The following MRPS33 variants were observed in gnomAD, a reference collection of about 807,000 sequenced individuals.
MRPS33 encodes small ribosomal subunit protein mS33.
In MRPS33, 11 loss-of-function variants were observed where a neutral mutation model predicts 11.2. That is an observed-to-expected ratio of 0.99 (90% CI 0.62 to 1.63). MRPS33 has a LOEUF of 1.63. Ranked by LOEUF, MRPS33 falls within the 40% of genes most tolerant of loss-of-function variation. The probability of loss-of-function intolerance (pLI) is 0.00; values close to 1 mark genes in which losing one functional copy is unlikely to be tolerated. For synonymous variants in MRPS33, 46 were observed against 44.0 expected, an observed-to-expected ratio of 1.05 and a Z score of -0.18; for missense variants, 109 against 127.8, an observed-to-expected ratio of 0.85 and a Z score of 0.71.
At position 141,010,837 on chromosome 7, in the gene MRPS33, T is replaced by G. The variant is rs150055386; in HGVS notation, c.-27-177A>C. On this transcript the variant is annotated intron_variant, in intron 1 of 2. Coordinates refer to ENST00000324787, the MANE Select transcript of MRPS33 (RefSeq NM_053035.3). The stretch of plus-strand genomic sequence containing the variant: ...CCAAATGGCTATTTCCTTTCCATGC[T>G]TTACAGCTGCGATTTTTGCACTTCG... Among the ~76,000 whole-genome samples the G allele has an allele frequency of 3.4e-3, 515 of 152,338 alleles. 1 individual carries two copies. Among genetic ancestry groups the G allele is most frequent in the Non-Finnish European group, 5.6e-3 (384 of 68,020 alleles).
rs757945288 is a variant in MRPS33 at position 141,006,565 on chromosome 7, A to G, written c.216-30T>C. The G allele has an allele frequency of 7.6e-6, 12 of 1,575,456 alleles. No individual in the cohort carries two copies. In the South Asian group the frequency reaches 1.3e-4, roughly 17 times the overall value. On this transcript the variant is annotated intron_variant, in intron 2 of 2. Coordinates refer to ENST00000324787, the MANE Select transcript of MRPS33 (RefSeq NM_053035.3). ...ATGAAGAAGGAAAAAATAATTAACCAGTTATTTTTACGAGTAGAAAAGTAC... is the reference window on the plus strand; with the variant it reads ...ATGAAGAAGGAAAAAATAATTAACCGGTTATTTTTACGAGTAGAAAAGTAC...
intron 1 of MRPS33, 29 bp from the exon 2 acceptor site, chr7:141,010,689 G>C: frequency 6.6e-7 from 1 of 1,518,128 alleles, no homozygotes; most frequent in Admixed American, 1.7e-5. Context: ...AAGTTAAACA[G>C]GTTAGGGTAA....
Position 141,003,449 on chromosome 7 carries a change from T to C in MRPS33, c.*2981A>G, listed in dbSNP as rs1309793965. 1 of 152,218 alleles carries C rather than the reference T, an allele frequency of 6.6e-6. No individual in the cohort carries two copies. The highest frequency in any genetic ancestry group is 1.5e-5 in the Non-Finnish European group (1 of 68,052). 9.4% of individuals were successfully genotyped at this position (152,218 alleles called of 1,614,324 possible). ...ATTGAAGGTATAGCTTATGTACAAA[T>C]GTATTTTAGCTTTCATTTCTGATTT... On this transcript the variant is annotated 3_prime_UTR_variant, in exon 3 of 3. Transcript: ENST00000324787.
At chr7:141,011,539 T>C (rs929862008) in intron 1 of MRPS33, among the ~76,000 whole-genome samples, 1 of 152,114 alleles carries the variant, frequency 6.6e-6, no homozygotes, top group Non-Finnish European at 1.5e-5. Context: ...AAGCTGCTGG[T>C]GGAATAACTA....
chr7:141,014,900 G>C lies in MRPS33; in HGVS notation c.-28+11C>G, dbSNP rs911684930. The C allele has an allele frequency of 6.6e-6, 1 of 152,616 alleles. No individual in the cohort carries two copies. Among genetic ancestry groups the C allele is most frequent in the Non-Finnish European group, 1.5e-5 (1 of 68,432 alleles). 9.5% of individuals were successfully genotyped at this position (152,616 alleles called of 1,614,324 possible). A position where few individuals can be genotyped will look rare whatever the true frequency, so the allele number is the denominator to read the frequency against. ...CTTGCTGCAGACCCCCAAAGTCACC[G>C]ACAGCCTTACCTAGACCTGACCTTC... On this transcript the variant is annotated intron_variant, in intron 1 of 2. Coordinates refer to ENST00000324787, the MANE Select transcript of MRPS33 (RefSeq NM_053035.3).
chr7:141,006,762 T>C (rs981331514), intron 2 of MRPS33, among the ~76,000 whole-genome samples: 2 of 152,174 alleles, frequency 1.3e-5, no homozygotes, highest in Non-Finnish European at 2.9e-5. Flanking sequence ...ACAGAAACAC[T>C]GCCACAAGCT....
chr7:141,011,262 G>T (rs1460178912), intron 1 of MRPS33, among the ~76,000 whole-genome samples: 2 of 152,140 alleles, frequency 1.3e-5, no homozygotes, highest in African/African-American at 4.8e-5. Flanking sequence ...ACAGACAGTA[G>T]CCCTATAAAA....
Position 141,002,934 on chromosome 7 carries a change from A to C in MRPS33, c.*3496T>G, listed in dbSNP as rs1308834370. On this transcript the variant is annotated 3_prime_UTR_variant, in exon 3 of 3. Coordinates refer to ENST00000324787, the MANE Select transcript of MRPS33 (RefSeq NM_053035.3). Reference sequence around the variant, plus strand: ...AGTCACATAATGTGCTATATGTAAAAGTTTTTAACTTTTTATAATTTACAG... The same window carrying C: ...AGTCACATAATGTGCTATATGTAAACGTTTTTAACTTTTTATAATTTACAG... 1 of 152,238 alleles carries C rather than the reference A, an allele frequency of 6.6e-6. No homozygotes were observed. Among genetic ancestry groups the C allele is most frequent in the Non-Finnish European group, 1.5e-5 (1 of 68,086 alleles). The allele number at this position is 152,238 out of a possible 1,614,324, so 9.4% of individuals were successfully genotyped here.
chr7:141,006,563 C>T (rs968191628), intron 2 of MRPS33, 28 bp from the exon 3 acceptor site: 3 of 1,566,902 alleles, frequency 1.9e-6, no homozygotes, highest in Non-Finnish European at 2.6e-6. Context: ...AAATAATTAA[C>T]CAGTTATTTT....
chr7:141,006,341 T>C lies in MRPS33; in HGVS notation c.*89A>G, dbSNP rs1375739845. 4 of 1,096,176 alleles carry C rather than the reference T, an allele frequency of 3.6e-6. No homozygotes were observed. The highest frequency in any genetic ancestry group is 5.4e-6 in the Non-Finnish European group (4 of 737,050). 67.9% of individuals were successfully genotyped at this position (1,096,176 alleles called of 1,614,324 possible). ...TCCAAATAAACTTCATTTAGGAAGA[T>C]GACATTCCTCCAATAGGTGGAAAGA... On this transcript the variant is annotated 3_prime_UTR_variant, in exon 3 of 3. Coordinates refer to ENST00000324787, the MANE Select transcript of MRPS33 (RefSeq NM_053035.3).
rs1352998288 is a variant in MRPS33, at chr7:141,004,070, G to A, written c.*2360C>T. 6.6e-6 allele frequency: 1 copy of A among 152,288 alleles called. No homozygotes were observed. The highest frequency in any genetic ancestry group is 1.5e-5 in the Non-Finnish European group (1 of 68,078). 9.4% of individuals were successfully genotyped at this position (152,288 alleles called of 1,614,324 possible). The stretch of plus-strand genomic sequence containing the variant: ...AATTCCAGCACTTTGGGAGTCTGAG[G>A]TGGGTGGATCAGGAGGTCAAGAGGT... On this transcript the variant is annotated 3_prime_UTR_variant, in exon 3 of 3. Coordinates refer to ENST00000324787, the MANE Select transcript of MRPS33 (RefSeq NM_053035.3).
rs56343833 is a variant in MRPS33 at position 141,012,173 on chromosome 7, C to CAAAAAAAAAAAAAAAAA, written c.-27-1530_-27-1514dup. Reference sequence around the variant, plus strand: ...TGAGTGACAGAGCAAGATTGTGTGTCAAAAAAAAAAAAAAAAAAAAAGCAG... The same window carrying CAAAAAAAAAAAAAAAAA: ...TGAGTGACAGAGCAAGATTGTGTGTCAAAAAAAAAAAAAAAAAAAAAAAAAAAAAAAAAAAAAAGCAG... On this transcript the variant is annotated intron_variant, in intron 1 of 2. Transcript: ENST00000324787. 1.7e-4 allele frequency among the ~76,000 whole-genome samples: 10 copies of CAAAAAAAAAAAAAAAAA among 58,774 alleles called. 2 individuals carry two copies. The highest frequency in any genetic ancestry group is 5.6e-4 in the African/African-American group (7 of 12,484). The allele number at this position is 58,774 out of a possible 152,430, so 38.6% of individuals were successfully genotyped here. A position where few individuals can be genotyped will look rare whatever the true frequency, so the allele number is the denominator to read the frequency against.
rs1820481666 is a variant in MRPS33 at position 141,004,707 on chromosome 7, A to C, written c.*1723T>G. 6.6e-6 allele frequency: 1 copy of C among 152,238 alleles called. No homozygotes were observed. Among genetic ancestry groups the C allele is most frequent in the African/African-American group, 2.4e-5 (1 of 41,468 alleles). 9.4% of individuals were successfully genotyped at this position (152,238 alleles called of 1,614,324 possible). On this transcript the variant is annotated 3_prime_UTR_variant, in exon 3 of 3. Coordinates refer to ENST00000324787, the MANE Select transcript of MRPS33 (RefSeq NM_053035.3). ...AAAAGTTATTAAAAAATTACTGGAC[A>C]TGCTAAAGATTCAGAACAACTGTTG...
chr7:141,011,635 C>A (rs1220819678), intron 1 of MRPS33, among the ~76,000 whole-genome samples: 1 of 152,018 alleles, frequency 6.6e-6, no homozygotes, highest in Non-Finnish European at 1.5e-5. Context: ...AGATGAGAAT[C>A]TTTGCTGACT....
Position 141,006,417 on chromosome 7 carries a change from T to A in MRPS33, c.*13A>T. The A allele has an allele frequency of 1.2e-6, 2 of 1,605,428 alleles. No individual in the cohort carries two copies. The highest frequency in any genetic ancestry group is 1.7e-6 in the Non-Finnish European group (2 of 1,174,030). ...CCACTGAGGAAGAAAGTCTCCCTCT[T>A]GAGGGACCAACACTATTTCCTTTTT... On this transcript the variant is annotated 3_prime_UTR_variant, in exon 3 of 3. Coordinates refer to ENST00000324787, the MANE Select transcript of MRPS33 (RefSeq NM_053035.3).
chr7:141,002,980 TATTTC>T lies in MRPS33; in HGVS notation c.*3445_*3449del, dbSNP rs1184427526. 1 of 152,314 alleles carries T rather than the reference TATTTC, an allele frequency of 6.6e-6. No homozygotes were observed. Among genetic ancestry groups the T allele is most frequent in the Non-Finnish European group, 1.5e-5 (1 of 68,120 alleles). The allele number at this position is 152,314 out of a possible 1,614,324, so 9.4% of individuals were successfully genotyped here. A position where few individuals can be genotyped will look rare whatever the true frequency, so the allele number is the denominator to read the frequency against. ...TACAGAGTTCTTTTCACAAATATCT[TATTTC>T]ATTAATCCAGTGAAGCATTATGATT... On this transcript the variant is annotated 3_prime_UTR_variant, in exon 3 of 3. Coordinates refer to ENST00000324787, the MANE Select transcript of MRPS33 (RefSeq NM_053035.3).
At chr7:141,011,064 C>T (rs539867415) in intron 1 of MRPS33, among the ~76,000 whole-genome samples, 1 of 152,224 alleles carries the variant, frequency 6.6e-6, no homozygotes, top group Non-Finnish European at 1.5e-5. Flanking sequence ...AATATGCTGA[C>T]TGCTTGCCAT....
At position 141,010,635 on chromosome 7, in the gene MRPS33, T is replaced by G; in HGVS notation, c.-2A>C. 6.2e-7 allele frequency: 1 copy of G among 1,613,690 alleles called. No homozygotes were observed. Among genetic ancestry groups the G allele is most frequent in the Non-Finnish European group, 8.5e-7 (1 of 1,179,638 alleles). On this transcript the variant is annotated 5_prime_UTR_variant, in exon 2 of 3. Coordinates refer to ENST00000324787, the MANE Select transcript of MRPS33 (RefSeq NM_053035.3). ...GGCATATTCTGAAAGGGAGGACATT[T>G]CTTGAGTGGCAAGGAGTTAGAGTTC...
chr7:141,010,739 A>G (rs1193909438), intron 1 of MRPS33, 79 bp from the exon 2 acceptor site: 1 of 1,068,672 alleles, frequency 9.4e-7, no homozygotes, highest in Non-Finnish European at 1.4e-6. Context: ...TAGAAAATGC[A>G]AACACAGCAA....
Sources: allele counts gnomAD v4.1 joint callset (sites outside exome capture counted in the v4.1 genomes callset), GRCh38; gene constraint gnomAD v4.1.1; transcripts MANE v1.5; gene names NCBI Gene and HGNC (gene_info 2026-07-23, HGNC 2026-07-21).